Variants in FARP1 observed in about 807,000 individuals in gnomAD.
FARP1 encodes the protein FERM, ARH/RhoGEF and pleckstrin domain protein 1.
In FARP1, 52 loss-of-function variants were observed where a neutral mutation model predicts 128.8. The observed-to-expected ratio is 0.40, with a 90% CI of 0.32 to 0.51. The LOEUF is 0.51. FARP1 is among the 20% of genes least tolerant of loss of function. The probability of loss-of-function intolerance (pLI) is 0.45; values close to 1 mark genes in which losing one functional copy is unlikely to be tolerated. For synonymous variants in FARP1, 580 were observed against 551.8 expected (o/e 1.05, Z -0.72); for missense variants, 1,333 against 1,367.9 (o/e 0.97, Z 0.40).
chr13:98,194,839 G>C (rs1879471211), intron 1 of FARP1, among the ~76,000 whole-genome samples: 1 of 152,198 alleles, frequency 6.6e-6, no homozygotes, highest in African/African-American at 2.4e-5. Context: ...AGTGTTCCTA[G>C]TGTATGTAAC....
At chr13:98,148,816 C>T (rs1443020626) in intron 1 of FARP1, among the ~76,000 whole-genome samples, 2 of 151,822 alleles carry the variant, frequency 1.3e-5, no homozygotes, top group Non-Finnish European at 2.9e-5. Flanking sequence ...TGCCTTTTCT[C>T]TCTGGCTACT....
intron 1 of FARP1, among the ~76,000 whole-genome samples, chr13:98,208,027 G>C (rs1463582979): frequency 6.7e-6 from 1 of 149,606 alleles, no homozygotes; most frequent in African/African-American, 2.5e-5. Flanking sequence ...AGGGCACTAG[G>C]CTGGGATTCT....
chr13:98,440,675 CCT>C lies in FARP1; in HGVS notation c.2636_2637del (p.Pro879ArgfsTer2), dbSNP rs778161588. On this transcript the variant is annotated frameshift_variant, in exon 24 of 27. Coordinates refer to ENST00000319562, the MANE Select transcript of FARP1 (RefSeq NM_005766.4). LOFTEE classifies it high-confidence loss of function. ...LASSPPDNKS[P>X]DEATAADQES... ...CCTTTTGCCCCATCCTGTAGAGTCC[CCT>C]GATGAAGCCACCGCGGCTGACCAGG... 1.9e-6 allele frequency: 3 copies of C among 1,612,322 alleles called. No homozygotes were observed. The highest frequency in any genetic ancestry group is 1.3e-5 in the African/African-American group (1 of 75,012).
intron 2 of FARP1, among the ~76,000 whole-genome samples, chr13:98,237,763 G>A (rs1419459893): frequency 6.6e-6 from 1 of 152,190 alleles, no homozygotes; most frequent in Non-Finnish European, 1.5e-5. Flanking sequence ...ATGTAGCATA[G>A]ATTGAGGACT....
At chr13:98,252,415 C>G (rs1250963007) in intron 2 of FARP1, among the ~76,000 whole-genome samples, 1 of 152,202 alleles carries the variant, frequency 6.6e-6, no homozygotes, top group Non-Finnish European at 1.5e-5. Context: ...ACGTTCATTA[C>G]CTGCATATTT....
At chr13:98,156,354 T>G (rs1876495201) in intron 1 of FARP1, among the ~76,000 whole-genome samples, 1 of 152,228 alleles carries the variant, frequency 6.6e-6, no homozygotes, top group Non-Finnish European at 1.5e-5. Flanking sequence ...ATAAACATAT[T>G]AAGTTATAAT....
At chr13:98,179,650 G>A (rs1878359138) in intron 1 of FARP1, among the ~76,000 whole-genome samples, 1 of 151,998 alleles carries the variant, frequency 6.6e-6, no homozygotes, top group Admixed American at 6.6e-5. Flanking sequence ...GGATCACGAG[G>A]TCAGGAGATC....
In FARP1 at chr13:98,143,455, C is replaced by G. The variant is rs1247231356; in HGVS notation, c.-61C>G. 1 of 150,158 alleles carries G rather than the reference C, an allele frequency of 6.7e-6. No individual in the cohort carries two copies. The highest frequency in any genetic ancestry group is 2.4e-5 in the African/African-American group (1 of 41,166). 9.3% of individuals were successfully genotyped at this position (150,158 alleles called of 1,614,324 possible). A position where few individuals can be genotyped will look rare whatever the true frequency, so the allele number is the denominator to read the frequency against. On this transcript the variant is annotated 5_prime_UTR_variant, in exon 1 of 27. Coordinates refer to ENST00000319562, the MANE Select transcript of FARP1 (RefSeq NM_005766.4). The stretch of plus-strand genomic sequence containing the variant: ...GAGCCGCCGATCCCGGAGCCCGAGC[C>G]GGGAGAGGGAGCCGCCGCAGCCGCC...
At chr13:98,373,533 G>GCCAGACAC (rs1555341450) in intron 5 of FARP1, among the ~76,000 whole-genome samples, 19 of 131,068 alleles carry the variant, frequency 1.4e-4, no homozygotes, top group African/African-American at 5.3e-4. Flanking sequence ...CAGACAGACA[G>GCCAGACAC]ACACACACAC....
chr13:98,350,129 G>A (rs1488918808), intron 3 of FARP1, among the ~76,000 whole-genome samples: 1 of 152,072 alleles, frequency 6.6e-6, no homozygotes, highest in Non-Finnish European at 1.5e-5. Flanking sequence ...CGGTCACCTC[G>A]CGGGGCAGCA....
At chr13:98,287,614 C>G (rs1463220239) in intron 2 of FARP1, among the ~76,000 whole-genome samples, 1 of 151,806 alleles carries the variant, frequency 6.6e-6, no homozygotes, top group Non-Finnish European at 1.5e-5. Flanking sequence ...ATTGTTTGCC[C>G]CCTACCTGTT....
At chr13:98,183,732 G>A (rs1251041754) in intron 1 of FARP1, among the ~76,000 whole-genome samples, 1 of 152,158 alleles carries the variant, frequency 6.6e-6, no homozygotes, top group African/African-American at 2.4e-5. Context: ...GGTATGCTGA[G>A]GACTGGAAGG....
At chr13:98,431,430 T>C in intron 18 of FARP1, 150 bp downstream of exon 18, 1 of 574,446 alleles carries the variant, frequency 1.7e-6, no homozygotes, top group East Asian at 3.0e-5. Context: ...CGCCGGTTTT[T>C]ATTCCTGCTC....
chr13:98,239,477 G>A (rs1285910030), intron 2 of FARP1, among the ~76,000 whole-genome samples: 2 of 152,194 alleles, frequency 1.3e-5, no homozygotes. Flanking sequence ...ATTTTTAGCT[G>A]TTTCATACGA....
intron 2 of FARP1, among the ~76,000 whole-genome samples, chr13:98,248,658 G>A (rs556811583): frequency 3.3e-5 from 5 of 152,158 alleles, no homozygotes; most frequent in Non-Finnish European, 7.4e-5. Context: ...GGTCATTTGT[G>A]GACCTGCCCA....
intron 8 of FARP1, among the ~76,000 whole-genome samples, chr13:98,387,761 C>T (rs754622977): frequency 3.9e-5 from 6 of 152,224 alleles, no homozygotes; most frequent in Non-Finnish European, 8.8e-5. Context: ...GGCCTCCCAT[C>T]CTCAGTTCTA....
In FARP1 at chr13:98,161,561, T is replaced by C. The variant is rs143938300; in HGVS notation, c.-24+18069T>C. 5.9e-5 allele frequency among the ~76,000 whole-genome samples: 9 copies of C among 152,230 alleles called. No homozygotes were observed. The East Asian group carries it at 1.7e-3, about 29-fold the overall frequency. Reference sequence around the variant, plus strand: ...CAACATGATTGAGGTCAAAGGTCTCTTGAGGTCATTTCCTGTTGACCTTTC... The same window carrying C: ...CAACATGATTGAGGTCAAAGGTCTCCTGAGGTCATTTCCTGTTGACCTTTC... On this transcript the variant is annotated intron_variant, in intron 1 of 26. Transcript: ENST00000319562.
intron 5 of FARP1, among the ~76,000 whole-genome samples, chr13:98,371,680 T>C (rs1405364698): frequency 6.6e-6 from 1 of 151,818 alleles, no homozygotes; most frequent in Non-Finnish European, 1.5e-5. Flanking sequence ...GGACTGACTA[T>C]TGAGATTTCA....
intron 1 of FARP1, among the ~76,000 whole-genome samples, chr13:98,192,266 G>A (rs1393256221): frequency 6.6e-6 from 1 of 151,842 alleles, no homozygotes; most frequent in Non-Finnish European, 1.5e-5. Flanking sequence ...TTTATTCCTT[G>A]GGATGATTTC....
Sources: allele counts gnomAD v4.1 joint callset (sites outside exome capture counted in the v4.1 genomes callset), GRCh38; gene constraint gnomAD v4.1.1; transcripts MANE v1.5; gene names NCBI Gene and HGNC (gene_info 2026-07-23, HGNC 2026-07-21).